DRC3: variants seen among roughly 807,000 people sequenced by gnomAD.
DRC3 encodes dynein regulatory complex subunit 3, also known as leucine rich repeat containing 48.
Under a neutral mutation model 57.6 loss-of-function variants are expected in DRC3, and 45 were observed. The observed-to-expected ratio is 0.78, with a 90% CI of 0.62 to 1.00. The LOEUF is 1.00. Among genes scored for constraint, DRC3 ranks in the 50% least tolerant of loss-of-function variants. The probability of loss-of-function intolerance (pLI) is 0.00; values close to 1 mark genes in which losing one functional copy is unlikely to be tolerated. For missense variants in DRC3, 655 were observed against 675.2 expected, an observed-to-expected ratio of 0.97 and a Z score of 0.33; for synonymous variants, 257 against 272.3, an observed-to-expected ratio of 0.94 and a Z score of 0.55.
At chr17:17,981,821 T>C (rs936511448) in intron 3 of DRC3, among the ~76,000 whole-genome samples, 2 of 150,190 alleles carry the variant, frequency 1.3e-5, no homozygotes, top group Admixed American at 6.6e-5. Context: ...CTCAGCCTCC[T>C]GAGTAGCTGG....
intron 4 of DRC3, among the ~76,000 whole-genome samples, chr17:17,986,843 C>T (rs1024587855): frequency 1.4e-4 from 22 of 152,272 alleles, no homozygotes; most frequent in African/African-American, 4.8e-4. Context: ...TCATTTTTGG[C>T]CTCTAGGCCA....
intron 5 of DRC3, chr17:17,988,373 C>G (rs1200920332): frequency 4.5e-6 from 2 of 448,632 alleles, no homozygotes; most frequent in Middle Eastern, 6.3e-4. Flanking sequence ...CAAACATTTG[C>G]TGAGGTACAT....
chr17:17,999,444 G>A (rs2043596593), intron 9 of DRC3, among the ~76,000 whole-genome samples: 1 of 152,164 alleles, frequency 6.6e-6, no homozygotes, highest in Admixed American at 6.5e-5. Context: ...AGAGGCCACT[G>A]ACTTGGAAGT....
At chr17:18,013,346 C>G (rs767873129) in intron 12 of DRC3, among the ~76,000 whole-genome samples, 3 of 152,176 alleles carry the variant, frequency 2.0e-5, no homozygotes, top group Middle Eastern at 3.2e-3. Context: ...CATATCTGCA[C>G]CCATGTTTAC....
intron 12 of DRC3, among the ~76,000 whole-genome samples, chr17:18,010,096 C>G (rs868039887): frequency 3.0e-4 from 45 of 152,164 alleles, no homozygotes; most frequent in African/African-American, 1.0e-3. Context: ...TGCAAGTCCC[C>G]AGGGTCTGCT....
Position 18,006,348 on chromosome 17 carries a change from G to C in DRC3, c.1202+95G>C, listed in dbSNP as rs2145421665. The C allele has an allele frequency of 6.5e-6, 6 of 921,996 alleles. No homozygotes were observed. The East Asian group carries it at 7.8e-5, about 12-fold the overall frequency. The allele number at this position is 921,996 out of a possible 1,614,324, so 57.1% of individuals were successfully genotyped here. ...GACAAAAGAATGTTCCACAGGGTCT[G>C]AGGAGGTTTCCCGACCCTCAGAACA... is the stretch of plus-strand genomic sequence containing the variant. On this transcript the variant is annotated intron_variant, in intron 11 of 13. Coordinates refer to ENST00000399187, the MANE Select transcript of DRC3 (RefSeq NM_031294.4).
At chr17:17,990,446 T>C (rs993821488) in intron 5 of DRC3, among the ~76,000 whole-genome samples, 18 of 152,236 alleles carry the variant, frequency 1.2e-4, no homozygotes, top group Non-Finnish European at 2.2e-4. Flanking sequence ...CACCCTGGCC[T>C]TTGCTCAGTG....
rs1315229731 is a variant in DRC3 at position 17,992,915 on chromosome 17, A to G, written c.591+4A>G. 6.2e-7 allele frequency: 1 copy of G among 1,613,834 alleles called. No individual in the cohort carries two copies. The highest frequency in any genetic ancestry group is 8.5e-7 in the Non-Finnish European group (1 of 1,179,782). On this transcript the variant is annotated splice_donor_region_variant and intron_variant, in intron 6 of 13. Transcript: ENST00000399187. The stretch of plus-strand genomic sequence containing the variant: ...CCGGCGCATTGATGACCACACAGCA[A>G]GTGTCTCCCTCTCAGTCTCCCAGCC...
Position 18,016,685 on chromosome 17 carries a change from A to G in DRC3, c.*14A>G, listed in dbSNP as rs1282017131. On this transcript the variant is annotated 3_prime_UTR_variant, in exon 14 of 14. Transcript: ENST00000399187. ...ATCCTAGACTAGATGAATGTCAGCC[A>G]CAGGAGCTTCTTCAAAACATAGCAC... is the stretch of plus-strand genomic sequence containing the variant. The G allele has an allele frequency of 6.4e-7, 1 of 1,559,410 alleles. No homozygotes were observed. The highest frequency in any genetic ancestry group is 8.8e-7 in the Non-Finnish European group (1 of 1,131,248).
At chr17:18,003,502 A>C (rs1435442279) in intron 9 of DRC3, among the ~76,000 whole-genome samples, 1 of 145,770 alleles carries the variant, frequency 6.9e-6, no homozygotes, top group African/African-American at 2.6e-5. Context: ...AAAAAAAAAA[A>C]AAAAAAAAAA....
In DRC3 at chr17:17,977,609, C is replaced by T. The variant is rs769383947; in HGVS notation, c.11C>T (p.Pro4Leu). Residue 4 changes from proline (P) to leucine (L), a missense_variant, in exon 3 of 14, where the codon CCG (proline) becomes CTG (leucine). Physicochemically the swap from Pro to Leu is moderately conservative, Grantham distance 98 (BLOSUM62 -3). Coordinates refer to ENST00000399187, the MANE Select transcript of DRC3 (RefSeq NM_031294.4). Reference sequence around the variant, plus strand: ...AAAACGTGGGGGAAGATGAACCAGCCGTGCAACTCGATGGAGCCGAGGGTG... The same window carrying T: ...AAAACGTGGGGGAAGATGAACCAGCTGTGCAACTCGATGGAGCCGAGGGTG... Reference protein sequence around the residue: MNQPCNSMEPRVMD... With the variant: MNQLCNSMEPRVMD... 51 of 1,613,804 alleles carry T rather than the reference C, an allele frequency of 3.2e-5. No individual in the cohort carries two copies. The East Asian group carries it at 6.9e-4, about 22-fold the overall frequency.
intron 9 of DRC3, among the ~76,000 whole-genome samples, chr17:18,003,025 A>ATACT (rs2043799170): frequency 6.6e-6 from 1 of 152,206 alleles, no homozygotes; most frequent in African/African-American, 2.4e-5. Flanking sequence ...GAAAGCTTAT[A>ATACT]TACTTAGTTG....
intron 7 of DRC3, 66 bp from the exon 8 acceptor site, chr17:17,994,933 G>A: frequency 9.4e-7 from 1 of 1,060,742 alleles, no homozygotes; most frequent in Non-Finnish European, 1.5e-6. Flanking sequence ...CTTCCTCATG[G>A]GCCTGTGAGA....
chr17:18,010,952 TTG>T, intron 12 of DRC3: 2 of 243,868 alleles, frequency 8.2e-6, no homozygotes, highest in East Asian at 1.4e-4. Flanking sequence ...TTTTTTTTGT[TTG>T]TTTGTTTGTT....
chr17:18,004,428 T>G lies in DRC3; in HGVS notation c.1065T>G (p.Ser355Arg), dbSNP rs1568527205. 1 of 1,610,436 alleles carries G rather than the reference T, an allele frequency of 6.2e-7. No individual in the cohort carries two copies. Among genetic ancestry groups the G allele is most frequent in the Middle Eastern group, 1.7e-4 (1 of 6,056 alleles). ...PNIEKMILECSADISELFDAL... is the reference protein window; with the variant it reads ...PNIEKMILECRADISELFDAL... ...TTGAGAAGATGATCCTAGAATGCAGTGCTGACATCAGTGAGTTGTTCGATG... is the reference window on the plus strand; with the variant it reads ...TTGAGAAGATGATCCTAGAATGCAGGGCTGACATCAGTGAGTTGTTCGATG... The change falls in exon 10 of 14, where the codon AGT (serine) becomes AGG (arginine). Residue 355 changes from serine (S) to arginine (R), a missense_variant. Coordinates refer to ENST00000399187, the MANE Select transcript of DRC3 (RefSeq NM_031294.4).
chr17:18,010,360 C>T (rs2044125292), intron 12 of DRC3, among the ~76,000 whole-genome samples: 1 of 152,086 alleles, frequency 6.6e-6, no homozygotes, highest in Non-Finnish European at 1.5e-5. Flanking sequence ...GGGAGGGGCA[C>T]CAGCTGTTGC....
intron 12 of DRC3, 185 bp downstream of exon 12, chr17:18,007,332 G>T: frequency 6.8e-7 from 1 of 1,468,700 alleles, no homozygotes; most frequent in South Asian, 1.2e-5. Flanking sequence ...GCACCTGGTG[G>T]GGCACCCAGT....
intron 5 of DRC3, 79 bp downstream of exon 5, chr17:17,988,177 A>G: frequency 4.2e-6 from 6 of 1,431,982 alleles, no homozygotes; most frequent in Non-Finnish European, 5.7e-6. Flanking sequence ...GTCTGTGGCT[A>G]GGGGAAGTAC....
chr17:17,995,812 T>G (rs2043432906), intron 8 of DRC3: 1 of 152,278 alleles, frequency 6.6e-6, no homozygotes, highest in African/African-American at 2.4e-5. Flanking sequence ...CTCAAAAACC[T>G]GACATTCTGG....
Sources: allele counts gnomAD v4.1 joint callset (sites outside exome capture counted in the v4.1 genomes callset), GRCh38; gene constraint gnomAD v4.1.1; transcripts MANE v1.5; gene names NCBI Gene and HGNC (gene_info 2026-07-23, HGNC 2026-07-21).